GALNT13: variants seen among roughly 807,000 people sequenced by gnomAD.
GALNT13 encodes the protein polypeptide N-acetylgalactosaminyltransferase 13.
A neutral mutation model predicts 64.2 loss-of-function variants in GALNT13; 28 were observed. The observed-to-expected ratio is 0.44, with a 90% confidence interval of 0.32 to 0.60. The LOEUF (loss-of-function observed/expected upper bound fraction) is 0.60. Ranked by LOEUF, GALNT13 falls within the 20% of genes least tolerant of loss-of-function variation. The pLI is 0.05. For missense variants in GALNT13, 577 were observed against 669.8 expected, an observed-to-expected ratio of 0.86 and a Z score of 1.53; for synonymous variants, 214 against 224.6, an observed-to-expected ratio of 0.95 and a Z score of 0.42.
the GALNT13 span, among the ~76,000 whole-genome samples, chr2:153,345,639 CTTTCTT>C: frequency 1.4e-5 from 1 of 69,688 alleles, no homozygotes; most frequent in Non-Finnish European, 2.8e-5. Context: ...CTTTCTTTTT[CTTTCTT>C]TCTTTCTTTC....
the GALNT13 span, among the ~76,000 whole-genome samples, chr2:153,556,619 TG>T: frequency 1.3e-5 from 2 of 152,236 alleles, no homozygotes; most frequent in Non-Finnish European, 2.9e-5. Context: ...AGCCATATTC[TG>T]AAAACTCAAA....
At chr2:153,953,792 C>T (rs1289864950) in intron 3 of GALNT13, among the ~76,000 whole-genome samples, 1 of 152,130 alleles carries the variant, frequency 6.6e-6, no homozygotes, top group Non-Finnish European at 1.5e-5. Flanking sequence ...CCTTCTCTGG[C>T]ATTTTAAGTT....
At chr2:154,110,335 A>G (rs1156914204) in intron 3 of GALNT13, among the ~76,000 whole-genome samples, 1 of 64,326 alleles carries the variant, frequency 1.6e-5, no homozygotes, top group Non-Finnish European at 2.7e-5. Flanking sequence ...ATATATATAT[A>G]TAGAGAGAGA....
At chr2:153,677,671 A>G in the GALNT13 span, among the ~76,000 whole-genome samples, 2 of 152,282 alleles carry the variant, frequency 1.3e-5, no homozygotes, top group Admixed American at 1.3e-4. Flanking sequence ...CTACAAGGCT[A>G]CAGTAAACCA....
chr2:153,422,766 A>G, the GALNT13 span, among the ~76,000 whole-genome samples: 1 of 152,138 alleles, frequency 6.6e-6, no homozygotes, highest in Non-Finnish European at 1.5e-5. Context: ...TTCAAGAATA[A>G]ATAAAAGTCT....
At chr2:153,667,739 T>C in the GALNT13 span, among the ~76,000 whole-genome samples, 3 of 152,162 alleles carry the variant, frequency 2.0e-5, no homozygotes, top group African/African-American at 7.2e-5. Flanking sequence ...AATACCCAGC[T>C]AACAACACGA....
chr2:154,291,324 C>T (rs1412766284), intron 8 of GALNT13, among the ~76,000 whole-genome samples: 10 of 152,084 alleles, frequency 6.6e-5, no homozygotes, highest in African/African-American at 1.4e-4. Context: ...CTGATTGGTG[C>T]GTTTACAAAA....
the GALNT13 span, among the ~76,000 whole-genome samples, chr2:153,645,205 G>A: frequency 6.6e-6 from 1 of 152,260 alleles, no homozygotes; most frequent in South Asian, 2.1e-4. Context: ...GCTCTGCTGA[G>A]CAAGAGGCTA....
At chr2:153,343,520 A>G in the GALNT13 span, among the ~76,000 whole-genome samples, 15 of 152,002 alleles carry the variant, frequency 9.9e-5, no homozygotes, top group Non-Finnish European at 2.1e-4. Context: ...TATAAAAAAT[A>G]TGTTTATTGT....
intron 4 of GALNT13, among the ~76,000 whole-genome samples, chr2:154,186,992 A>C (rs1489864275): frequency 6.6e-6 from 1 of 152,072 alleles, no homozygotes; most frequent in Non-Finnish European, 1.5e-5. Flanking sequence ...ACCAAAAAAA[A>C]ACCCCCAGTT....
chr2:153,506,431 C>T, the GALNT13 span, among the ~76,000 whole-genome samples: 4 of 152,014 alleles, frequency 2.6e-5, no homozygotes, highest in East Asian at 3.9e-4. Flanking sequence ...TTGTTTTATA[C>T]GTCCTGTGAG....
chr2:153,488,318 A>G, the GALNT13 span, among the ~76,000 whole-genome samples: 41 of 152,300 alleles, frequency 2.7e-4, no homozygotes, highest in Admixed American at 5.2e-4. Flanking sequence ...TGCATTCAGC[A>G]TGTCACATTC....
chr2:153,538,516 T>G, the GALNT13 span, among the ~76,000 whole-genome samples: 1 of 92,982 alleles, frequency 1.1e-5, no homozygotes, highest in East Asian at 3.4e-4. Context: ...GCATTAGGTA[T>G]ATCTCCCAAT....
intron 9 of GALNT13, among the ~76,000 whole-genome samples, chr2:154,348,316 A>T (rs1405663489): frequency 1.3e-5 from 2 of 152,074 alleles, no homozygotes; most frequent in African/African-American, 4.8e-5. Flanking sequence ...ATGGCTACCC[A>T]AACAGCTTCT....
At chr2:153,484,263 C>T in the GALNT13 span, among the ~76,000 whole-genome samples, 1 of 152,090 alleles carries the variant, frequency 6.6e-6, no homozygotes, top group South Asian at 2.1e-4. Flanking sequence ...CTTGCTTTTC[C>T]TTCTTAATAC....
chr2:153,606,166 T>C, the GALNT13 span, among the ~76,000 whole-genome samples: 1 of 152,298 alleles, frequency 6.6e-6, no homozygotes, highest in East Asian at 1.9e-4. Flanking sequence ...CAAATAGATA[T>C]ATTTGTATGT....
rs936427241 is a variant in GALNT13 at position 154,167,327 on chromosome 2, G to A, written c.311+26822G>A. On this transcript the variant is annotated intron_variant, in intron 4 of 12. Transcript: ENST00000392825. Reference sequence around the variant, plus strand: ...CTTGTATATTAGAAAACATAGCATGGTCAATTGATCTGTTTCTCTAATAGG... The same window carrying A: ...CTTGTATATTAGAAAACATAGCATGATCAATTGATCTGTTTCTCTAATAGG... Among the ~76,000 whole-genome samples the A allele has an allele frequency of 7.2e-5, 11 of 152,108 alleles. 1 individual carries two copies. Among genetic ancestry groups the A allele is most frequent in the African/African-American group, 9.6e-5 (4 of 41,514 alleles).
the GALNT13 span, among the ~76,000 whole-genome samples, chr2:153,256,055 A>C: frequency 6.6e-6 from 1 of 152,176 alleles, no homozygotes; most frequent in Non-Finnish European, 1.5e-5. Flanking sequence ...AATATCCTGC[A>C]GAGTGTTTTC....
At chr2:153,128,752 T>C in the GALNT13 span, among the ~76,000 whole-genome samples, 1 of 151,910 alleles carries the variant, frequency 6.6e-6, no homozygotes, top group Non-Finnish European at 1.5e-5. Flanking sequence ...AGAGGTTTAA[T>C]TGGACTTACA....
Sources: allele counts gnomAD v4.1 joint callset (sites outside exome capture counted in the v4.1 genomes callset), GRCh38; gene constraint gnomAD v4.1.1; transcripts MANE v1.5; gene names NCBI Gene and HGNC (gene_info 2026-07-23, HGNC 2026-07-21).